The following RBM26 variants were observed in gnomAD, a reference collection of about 807,000 sequenced individuals.
RBM26 encodes RNA binding motif protein 26.
RBM26 carries 30 observed loss-of-function variants against 123.6 expected under a neutral mutation model. The ratio of observed to expected loss-of-function variants is 0.24; its 90% confidence interval spans 0.18 to 0.33. The LOEUF (loss-of-function observed/expected upper bound fraction) is 0.33, where lower values mean the gene tolerates loss of function less well. Among genes scored for constraint, RBM26 ranks in the 10% least tolerant of loss-of-function variants. The pLI, the probability that RBM26 is intolerant of heterozygous loss-of-function variation, is 1.00. For missense variants in RBM26, 947 were observed against 1,203.6 expected (o/e 0.79, Z 3.15); for synonymous variants, 400 against 404.4 (o/e 0.99, Z 0.13).
chr13:79,379,538 T>A (rs1489327992), intron 1 of RBM26, among the ~76,000 whole-genome samples: 1 of 126,034 alleles, frequency 7.9e-6, no homozygotes, highest in Admixed American at 9.1e-5. Flanking sequence ...GTAAGAACCC[T>A]ATCTCAAAAA....
chr13:79,378,132 CA>C (rs1303419925), intron 2 of RBM26, among the ~76,000 whole-genome samples: 1 of 152,150 alleles, frequency 6.6e-6, no homozygotes, highest in Non-Finnish European at 1.5e-5. Context: ...CAAACACAAA[CA>C]CTATCATAAT....
intron 11 of RBM26, among the ~76,000 whole-genome samples, chr13:79,357,240 C>T (rs2074132268): frequency 6.6e-6 from 1 of 152,026 alleles, no homozygotes; most frequent in Admixed American, 6.6e-5. Flanking sequence ...CTTTTTCCCG[C>T]TCTATTACTT....
intron 9 of RBM26, among the ~76,000 whole-genome samples, chr13:79,363,792 G>A (rs914924906): frequency 1.3e-5 from 2 of 152,080 alleles, no homozygotes; most frequent in Non-Finnish European, 2.9e-5. Context: ...CATGTGAATG[G>A]ATCTAATAAA....
intron 1 of RBM26, among the ~76,000 whole-genome samples, chr13:79,379,905 A>G (rs368265626): frequency 2.3e-4 from 35 of 152,298 alleles, no homozygotes; most frequent in African/African-American, 7.7e-4. Flanking sequence ...AACCTCACCC[A>G]TAAGAGAAAT....
At chr13:79,348,572 CAATA>C (rs551283740) in intron 14 of RBM26, among the ~76,000 whole-genome samples, 189 of 152,138 alleles carry the variant, frequency 1.2e-3, no homozygotes, top group Non-Finnish European at 2.3e-3. Flanking sequence ...GCCACACTCA[CAATA>C]AATAGCTCCA....
At chr13:79,341,407 C>T (rs2071355963) in intron 17 of RBM26, among the ~76,000 whole-genome samples, 180 bp from the exon 18 acceptor site, 1 of 151,828 alleles carries the variant, frequency 6.6e-6, no homozygotes, top group Non-Finnish European at 1.5e-5. Context: ...AGCTTCCTAA[C>T]TTGTTGCTAC....
At chr13:79,375,746 T>C (rs1458575188) in intron 3 of RBM26, among the ~76,000 whole-genome samples, 4 of 152,044 alleles carry the variant, frequency 2.6e-5, no homozygotes, top group Non-Finnish European at 5.9e-5. Context: ...TGTGTGTAAA[T>C]ATATTCAGAT....
chr13:79,381,318 T>C (rs2077054343), intron 1 of RBM26, among the ~76,000 whole-genome samples: 1 of 152,036 alleles, frequency 6.6e-6, no homozygotes, highest in Non-Finnish European at 1.5e-5. Context: ...ACTTCCAATT[T>C]ACTTTTTAAA....
At chr13:79,312,602 A>G (rs2066924759) in exon 5 of RBM26, 1 of 152,048 alleles carries the variant, frequency 6.6e-6, no homozygotes, top group Admixed American at 6.6e-5. Flanking sequence ...ATTTGAAATA[A>G]GGGAAAACAG....
chr13:79,341,174 A>G lies in RBM26; in HGVS notation c.2481T>C (p.Ala827=), dbSNP rs140134211. The change falls in exon 18 of 22, where the codon GCT becomes GCC. Residue 827 remains alanine (A), a synonymous_variant. Transcript: ENST00000438737. ...TCCTAAGTTCAGTGACTTCTTCTCC[A>G]GCCTGCATCTTCTTATATAAATCCA... ...TELDLYKKMQ[A]GEEVTELRRK... 5.6e-4 allele frequency: 901 copies of G among 1,610,594 alleles called. 9 individuals are homozygous for G. In the African/African-American group the frequency reaches 0.011, roughly 19 times the overall value.
At position 79,334,448 on chromosome 13, in the gene RBM26, A is replaced by G; in HGVS notation, c.2734-18T>C. The G allele has an allele frequency of 1.5e-6, 2 of 1,345,802 alleles. No homozygotes were observed. The highest frequency in any genetic ancestry group is 2.1e-6 in the Non-Finnish European group (2 of 971,370). 83.4% of individuals were successfully genotyped at this position (1,345,802 alleles called of 1,614,324 possible). On this transcript the variant is annotated intron_variant, in intron 19 of 21. Transcript: ENST00000438737. The stretch of plus-strand genomic sequence containing the variant: ...CCATATTGCTTTAAATTAAAAAAAA[A>G]GTATTTCCTCCAAATAAATATTTTG...
At position 79,377,433 on chromosome 13, in the gene RBM26, T is replaced by A. The variant is rs2076744195; in HGVS notation, c.273A>T (p.Gly91=). The A allele has an allele frequency of 6.2e-7, 1 of 1,613,692 alleles. No homozygotes were observed. The highest frequency in any genetic ancestry group is 8.5e-7 in the Non-Finnish European group (1 of 1,179,564). Residue 91 remains glycine (G), a synonymous_variant, in exon 3 of 22, where the codon GGA becomes GGT. Coordinates refer to ENST00000438737, the MANE Select transcript of RBM26 (RefSeq NM_001366735.2). Reference sequence around the variant, plus strand: ...GTGGAAAAAATTCTACCTTCAGGCTTCCTGATGATGGCTGCTCTGGAGGAG... The same window carrying A: ...GTGGAAAAAATTCTACCTTCAGGCTACCTGATGATGGCTGCTCTGGAGGAG... ...YLPPPEQPSS[G]SLKVEFFPHQ...
At chr13:79,314,167 G>T (rs2138206458), downstream of RBM26, 1 of 151,652 alleles carries the variant, frequency 6.6e-6, no homozygotes, top group Non-Finnish European at 1.5e-5. Flanking sequence ...AAATAATTTG[G>T]ACATACACTT....
intron 16 of RBM26, 29 bp downstream of exon 16, chr13:79,344,219 T>C (rs772432145): frequency 7.1e-7 from 1 of 1,406,590 alleles, no homozygotes; most frequent in South Asian, 1.2e-5. Flanking sequence ...ACATTTGCAA[T>C]TTGGCCAAAT....
chr13:79,382,094 G>A (rs2077110018), intron 1 of RBM26, among the ~76,000 whole-genome samples: 1 of 151,928 alleles, frequency 6.6e-6, no homozygotes. Context: ...TATGTATCAG[G>A]AACAGAAAGG....
intron 18 of RBM26, among the ~76,000 whole-genome samples, chr13:79,340,028 T>C (rs966780073): frequency 6.6e-6 from 1 of 152,100 alleles, no homozygotes; most frequent in Admixed American, 6.5e-5. Context: ...GTTAATGCTA[T>C]TATTTATTTA....
intron 9 of RBM26, among the ~76,000 whole-genome samples, chr13:79,360,091 G>A (rs1385900620): frequency 4.6e-5 from 7 of 152,010 alleles, no homozygotes; most frequent in African/African-American, 1.7e-4. Flanking sequence ...GAGAAAGACA[G>A]GGACCATTCA....
At chr13:79,321,253 T>C (rs1172058019) in intron 21 of RBM26, among the ~76,000 whole-genome samples, 1 of 151,444 alleles carries the variant, frequency 6.6e-6, no homozygotes, top group Non-Finnish European at 1.5e-5. Flanking sequence ...GGAGCTCTCC[T>C]GCTTTTCTCC....
intron 6 of RBM26, among the ~76,000 whole-genome samples, chr13:79,367,647 G>A (rs948628120): frequency 6.6e-6 from 1 of 151,816 alleles, no homozygotes; most frequent in African/African-American, 2.4e-5. Context: ...CTCCCTTTTA[G>A]TTGCTCTCCC....
Sources: allele counts gnomAD v4.1 joint callset (sites outside exome capture counted in the v4.1 genomes callset), GRCh38; gene constraint gnomAD v4.1.1; transcripts MANE v1.5; gene names NCBI Gene and HGNC (gene_info 2026-07-23, HGNC 2026-07-21).